PFKP: variants seen among roughly 807,000 people sequenced by gnomAD.
PFKP encodes phosphofructokinase, platelet, also known as ATP-dependent 6-phosphofructokinase, platelet type.
PFKP carries 101 observed loss-of-function variants against 94.3 expected under a neutral mutation model. The observed-to-expected ratio is 1.07, with a 90% CI of 0.91 to 1.26. The LOEUF is 1.26. Among genes scored for constraint, PFKP ranks in the 50% most tolerant of loss-of-function variants. The pLI, the probability that PFKP is intolerant of heterozygous loss-of-function variation, is 0.00. For missense variants in PFKP, 1,145 were observed against 1,103.3 expected (o/e 1.04, Z -0.53); for synonymous variants, 573 against 432.6 (o/e 1.32, Z -4.03).
At chr10:3,084,228 C>T (rs917520620) in intron 2 of PFKP, among the ~76,000 whole-genome samples, 1 of 152,214 alleles carries the variant, frequency 6.6e-6, no homozygotes, top group South Asian at 2.1e-4. Flanking sequence ...ACCTGTCCAG[C>T]CTCGTCCCAG....
At chr10:3,124,020 C>G (rs1837683687) in intron 16 of PFKP, among the ~76,000 whole-genome samples, 1 of 150,536 alleles carries the variant, frequency 6.6e-6, no homozygotes, top group East Asian at 2.0e-4. Context: ...CCCCACCCTC[C>G]TATCCACCGT....
intron 13 of PFKP, 148 bp from the exon 14 acceptor site, chr10:3,116,628 C>T (rs369350033): frequency 3.7e-4 from 244 of 661,130 alleles, no homozygotes; most frequent in African/African-American, 3.3e-3. Context: ...TTGATTCATC[C>T]GGGCATCGTG....
chr10:3,080,453 C>A (rs1333945105), intron 1 of PFKP, among the ~76,000 whole-genome samples: 1 of 136,264 alleles, frequency 7.3e-6, no homozygotes, highest in Non-Finnish European at 1.5e-5. Flanking sequence ...GGAGGCGGAG[C>A]TTGCAGTGAG....
rs1318502203 is a variant in PFKP at position 3,129,915 on chromosome 10, G to T, written c.1780G>T (p.Gly594Trp). 11 of 1,612,502 alleles carry T rather than the reference G, an allele frequency of 6.8e-6. No homozygotes were observed. The highest frequency in any genetic ancestry group is 1.7e-5 in the Admixed American group (1 of 59,836). Residue 594 changes from glycine to tryptophan, a missense_variant, in exon 17 of 22, where the codon GGG (glycine) becomes TGG (tryptophan). Physicochemically the swap from Gly to Trp is radical, Grantham distance 184 (BLOSUM62 -2). Around this residue, in one of 3 missense-constraint regions of PFKP, gnomAD observed 1,119 missense variants for 1,062.8 expected, o/e 1.05. Coordinates refer to ENST00000381125, the MANE Select transcript of PFKP (RefSeq NM_002627.5). ...CTACTGTGGCTACCTGGCCAACATG[G>T]GGGGGCTCGCGGCCGGAGCTGATGC... ...GGYCGYLANM[G>W]GLAAGADAAY...
At chr10:3,081,832 T>G (rs369054257) in intron 1 of PFKP, among the ~76,000 whole-genome samples, 1 of 152,182 alleles carries the variant, frequency 6.6e-6, no homozygotes, top group African/African-American at 2.4e-5. Flanking sequence ...AACAGACTTA[T>G]ATGATGATAC....
chr10:3,067,856 G>A (rs1831850272), intron 1 of PFKP, 149 bp downstream of exon 1: 1 of 478,952 alleles, frequency 2.1e-6, no homozygotes, highest in South Asian at 3.2e-5. Flanking sequence ...GAGAACCGGG[G>A]AGAAGAGCGG....
intron 14 of PFKP, among the ~76,000 whole-genome samples, chr10:3,117,163 C>T (rs996853355): frequency 4.6e-5 from 7 of 152,206 alleles, no homozygotes; most frequent in East Asian, 1.9e-4. Flanking sequence ...AGTGGTGTCA[C>T]GGAGCCGTGG....
At chr10:3,135,985 G>T in intron 21 of PFKP, 147 bp downstream of exon 21, 1 of 610,960 alleles carries the variant, frequency 1.6e-6, no homozygotes. Flanking sequence ...CTAGGTCTTG[G>T]CTGGGCGCGG....
At chr10:3,111,413 G>C (rs1836222533) in intron 10 of PFKP, among the ~76,000 whole-genome samples, 1 of 152,148 alleles carries the variant, frequency 6.6e-6, no homozygotes, top group South Asian at 2.1e-4. Flanking sequence ...TCAGAGCACT[G>C]AACGACATGC....
intron 1 of PFKP, among the ~76,000 whole-genome samples, chr10:3,079,657 CGGGGTGGGG>C (rs1209955895): frequency 3.8e-4 from 3 of 7,794 alleles, no homozygotes; most frequent in African/African-American, 1.0e-3. Context: ...CTTCAGAGAG[CGGGGTGGGG>C]GGGGGGGGAA....
At position 3,101,389 on chromosome 10, in the gene PFKP, C is replaced by T. The variant is rs1009839767; in HGVS notation, c.289C>T (p.Arg97Trp). Residue 97 changes from arginine (R) to tryptophan (W), a missense_variant, in exon 4 of 22, where the codon CGG (arginine) becomes TGG (tryptophan). Arg to Trp is a moderately radical substitution (Grantham distance 101). Coordinates refer to ENST00000381125, the MANE Select transcript of PFKP (RefSeq NM_002627.5). ...GGGCGGGACGATCATTGGCAGTGCG[C>T]GGTGCCAGGCCTTCCGCACGCGGGA... ...QVGGTIIGSA[R>W]CQAFRTREGR... The T allele has an allele frequency of 8.8e-6, 14 of 1,595,908 alleles. No homozygotes were observed. The highest frequency in any genetic ancestry group is 4.0e-5 in the African/African-American group (3 of 74,532).
intron 1 of PFKP, among the ~76,000 whole-genome samples, chr10:3,079,948 G>T (rs1313900122): frequency 6.6e-6 from 1 of 150,984 alleles, no homozygotes; most frequent in African/African-American, 2.4e-5. Context: ...AATGGAATCA[G>T]GTGGGAGGCT....
chr10:3,136,340 GACCCTACAA>G (rs1839335692), intron 21 of PFKP, 101 bp from the exon 22 acceptor site: 7 of 1,084,792 alleles, frequency 6.5e-6, no homozygotes, highest in Non-Finnish European at 9.5e-6. Flanking sequence ...TGATTCAGCC[GACCCTACAA>G]ACCCTGTGTT....
chr10:3,110,568 C>T (rs1836096001), intron 10 of PFKP, among the ~76,000 whole-genome samples: 1 of 151,994 alleles, frequency 6.6e-6, no homozygotes, highest in Non-Finnish European at 1.5e-5. Context: ...GTTTTGTTGC[C>T]TCTTAACACA....
intron 16 of PFKP, chr10:3,124,961 G>GC (rs1837784375): frequency 3.2e-6 from 2 of 623,936 alleles, no homozygotes; most frequent in South Asian, 6.3e-5. Flanking sequence ...GCCTCCCTCG[G>GC]CCCCTTGACC....
At chr10:3,121,204 G>A (rs1273907652) in intron 16 of PFKP, among the ~76,000 whole-genome samples, 4 of 152,162 alleles carry the variant, frequency 2.6e-5, no homozygotes, top group African/African-American at 9.7e-5. Context: ...CTGGCTTTGG[G>A]GGCAACTTTC....
At chr10:3,120,964 T>G (rs904646090) in intron 16 of PFKP, among the ~76,000 whole-genome samples, 2 of 152,360 alleles carry the variant, frequency 1.3e-5, no homozygotes, top group Middle Eastern at 6.8e-3. Flanking sequence ...ATTCTCAAGT[T>G]TTAATTTTTC....
intron 10 of PFKP, among the ~76,000 whole-genome samples, chr10:3,109,961 G>T (rs1836006443): frequency 1.3e-5 from 2 of 152,090 alleles, no homozygotes; most frequent in Admixed American, 1.3e-4. Context: ...GTAGGGGAAG[G>T]TGGGACCTTC....
chr10:3,093,587 C>A (rs1029599897), intron 2 of PFKP, among the ~76,000 whole-genome samples: 2 of 150,906 alleles, frequency 1.3e-5, no homozygotes, highest in Admixed American at 6.6e-5. Flanking sequence ...GAACATTGTC[C>A]AACAAAATTG....
Sources: gnomAD v4.1 joint callset for allele counts (sites outside exome capture counted in the v4.1 genomes callset) on GRCh38, gnomAD v4.1.1 for gene constraint, gnomAD v4.1.1 regional missense constraint, MANE v1.5 for transcripts, NCBI Gene and HGNC (gene_info 2026-07-23, HGNC 2026-07-21) for gene names.